The following BCORL1 variants were observed in gnomAD, a reference collection of about 807,000 sequenced individuals.
BCORL1 encodes the protein BCL6 corepressor like 1, also known as BCL-6 corepressor-like protein 1.
Under a neutral mutation model 87.6 loss-of-function variants are expected in BCORL1, and 7 were observed. The ratio of observed to expected loss-of-function variants is 0.08; its 90% confidence interval spans 0.05 to 0.15. BCORL1 has a LOEUF of 0.15. Among genes scored for constraint, BCORL1 ranks in the 10% least tolerant of loss-of-function variants. The pLI is 1.00. For missense variants in BCORL1, 1,215 were observed against 1,499.7 expected, an observed-to-expected ratio of 0.81 and a Z score of 3.13; for synonymous variants, 591 against 634.4, an observed-to-expected ratio of 0.93 and a Z score of 1.03.
At position 130,016,124 on chromosome X, in the gene BCORL1, A is replaced by G. The variant is rs759565314; in HGVS notation, c.3352A>G (p.Lys1118Glu). The G allele has an allele frequency of 8.3e-7, 1 of 1,211,326 alleles. No homozygotes were observed. The highest frequency in any genetic ancestry group is 1.8e-5 in the South Asian group (1 of 56,982). ...TGTGACGGAATCTCTGCCGCCCAAGAAGATGAAGTGCGGCAAAGAGAAGGA... is the reference window on the plus strand; with the variant it reads ...TGTGACGGAATCTCTGCCGCCCAAGGAGATGAAGTGCGGCAAAGAGAAGGA... ...DDVTESLPPK[K>E]MKCGKEKDSE... Residue 1118 changes from lysine to glutamate, a missense_variant, in exon 4 of 14, where the codon AAG becomes GAG. Lys to Glu is a moderately conservative substitution (Grantham distance 56). This residue lies in a region of BCORL1 where 861 missense variants were observed against 1,010.0 expected (regional missense o/e 0.85). Coordinates refer to ENST00000540052, the MANE Select transcript of BCORL1 (RefSeq NM_001379451.1).
At chrX:130,055,777 T>C (rs1237725577) in intron 13 of BCORL1, 77 bp from the exon 14 acceptor site, 4 of 1,038,882 alleles carry the variant, frequency 3.9e-6, no homozygotes, top group Non-Finnish European at 5.2e-6. Flanking sequence ...CTTTGTGGGC[T>C]TTGCAGAGTG....
chrX:129,996,897 A>T (rs1927606626), intron 1 of BCORL1, among the ~76,000 whole-genome samples: 1 of 111,526 alleles, frequency 9.0e-6, no homozygotes, highest in East Asian at 2.8e-4. Context: ...GGGGTTATGG[A>T]CATGAGCCCA....
rs753619642 is a variant in BCORL1, at chrX:129,987,908, G to A, written c.-45+5146G>A. 1.1e-4 allele frequency among the ~76,000 whole-genome samples: 12 copies of A among 112,130 alleles called. No homozygotes were observed. In the Middle Eastern group the frequency reaches 0.014, roughly 129 times the overall value. On this transcript the variant is annotated intron_variant, in intron 1 of 13. Coordinates refer to ENST00000540052, the MANE Select transcript of BCORL1 (RefSeq NM_001379451.1). ...AAGTTTGGGTGGGAAAGTGAACACC[G>A]GAGTGGAACAGAGAGGGTGCTGGAG...
chrX:130,021,026 A>G lies in BCORL1; in HGVS notation c.3483A>G (p.Lys1161=). 8.5e-7 allele frequency: 1 copy of G among 1,177,600 alleles called. No homozygotes were observed. Among genetic ancestry groups the G allele is most frequent in the Non-Finnish European group, 1.1e-6 (1 of 883,525 alleles). Residue 1161 remains lysine (K), a synonymous_variant, in exon 5 of 14, where the codon AAA becomes AAG. Transcript: ENST00000540052. The part of the protein sequence containing the change: ...LPSDPQESTK[K]SPRGASDSGK... Reference sequence around the variant, plus strand: ...GTGACCCCCAGGAATCCACCAAGAAAAGCCCCAGGGGGGCTTCAGATTCAG... The same window carrying G: ...GTGACCCCCAGGAATCCACCAAGAAGAGCCCCAGGGGGGCTTCAGATTCAG...
chrX:130,010,980 G>T (rs1463869689), intron 2 of BCORL1, among the ~76,000 whole-genome samples: 2 of 90,625 alleles, frequency 2.2e-5, no homozygotes, highest in African/African-American at 8.7e-5. Flanking sequence ...CTCCAGCCTG[G>T]GTGACAGAGC....
At chrX:130,020,471 T>A (rs1461120569) in intron 4 of BCORL1, among the ~76,000 whole-genome samples, 2 of 112,185 alleles carry the variant, frequency 1.8e-5, no homozygotes, top group Non-Finnish European at 3.8e-5. Context: ...TTTTTCTTCT[T>A]GCCTTAGTTG....
Position 130,013,909 on chromosome X carries a change from A to G in BCORL1, c.1137A>G (p.Thr379=), listed in dbSNP as rs1603110362. ...CCCTCATCCCCGCCTTTGCTCCTAC[A>G]CCGGTGCCTGCACCCACCCCAGCCC... The part of the protein sequence containing the change: ...TPTLIPAFAP[T]PVPAPTPAPI... Residue 379 remains threonine, a synonymous_variant, in exon 4 of 14, where the codon ACA becomes ACG. Transcript: ENST00000540052. 2 of 1,151,416 alleles carry G rather than the reference A, an allele frequency of 1.7e-6. No individual in the cohort carries two copies. Among genetic ancestry groups the G allele is most frequent in the East Asian group, 6.5e-5 (2 of 30,647 alleles). The allele number at this position is 1,151,416 out of a possible 1,213,427, so 94.9% of individuals were successfully genotyped here.
At chrX:129,984,834 T>C (rs1419777057) in intron 1 of BCORL1, among the ~76,000 whole-genome samples, 1 of 111,689 alleles carries the variant, frequency 9.0e-6, no homozygotes, top group Non-Finnish European at 1.9e-5. Context: ...TATGTTTTTG[T>C]TTTATTGTTT....
At chrX:130,017,915 C>T (rs747104477) in intron 4 of BCORL1, among the ~76,000 whole-genome samples, 1 of 111,929 alleles carries the variant, frequency 8.9e-6, no homozygotes, top group East Asian at 2.8e-4. Context: ...GGATTACAGG[C>T]GTGAGCCACC....
rs1237110527 is a variant in BCORL1 at position 130,014,206 on chromosome X, C to G, written c.1434C>G (p.Leu478=). 1 of 1,210,835 alleles carries G rather than the reference C, an allele frequency of 8.3e-7. No homozygotes were observed. The highest frequency in any genetic ancestry group is 1.1e-6 in the Non-Finnish European group (1 of 895,046). The change falls in exon 4 of 14, where the codon CTC becomes CTG. Residue 478 remains leucine, a synonymous_variant. Coordinates refer to ENST00000540052, the MANE Select transcript of BCORL1 (RefSeq NM_001379451.1). ...TTLGVSSTLT[L]PVLPSYLQDR... ...TAGGGGTTTCCTCCACTCTTACGCT[C>G]CCTGTCCTGCCGTCCTACCTGCAGG...
At position 130,014,404 on chromosome X, in the gene BCORL1, C is replaced by T. The variant is rs1929242164; in HGVS notation, c.1632C>T (p.Val544=). ...STTTQPAPDG[V]PGPLADTSLV... ...CCACCCAGCCTGCACCCGATGGGGT[C>T]CCTGGGCCTTTGGCAGATACCTCCC... The change falls in exon 4 of 14, where the codon GTC becomes GTT. Residue 544 remains valine (V), a synonymous_variant. Coordinates refer to ENST00000540052, the MANE Select transcript of BCORL1 (RefSeq NM_001379451.1). The T allele has an allele frequency of 8.3e-7, 1 of 1,211,706 alleles. No individual in the cohort carries two copies. The highest frequency in any genetic ancestry group is 1.1e-6 in the Non-Finnish European group (1 of 895,471).
intron 1 of BCORL1, among the ~76,000 whole-genome samples, chrX:129,983,948 G>A (rs1291294764): frequency 9.1e-6 from 1 of 109,771 alleles, no homozygotes; most frequent in African/African-American, 3.3e-5. Flanking sequence ...GGAGAAGGAG[G>A]GAGAGGGATG....
At chrX:130,039,049 G>GT in intron 10 of BCORL1, 88 bp from the exon 11 acceptor site, 3 of 1,089,017 alleles carry the variant, frequency 2.8e-6, no homozygotes, top group Non-Finnish European at 3.7e-6. Context: ...GGTCAGCTCA[G>GT]TTTTTTCCCC....
intron 1 of BCORL1, among the ~76,000 whole-genome samples, chrX:129,992,055 G>A (rs113493059): frequency 0.022 from 2,446 of 109,383 alleles, 76 homozygotes; most frequent in African/African-American, 0.076. Flanking sequence ...CTGCAGCTTC[G>A]ACCTCCCGAG....
At chrX:129,997,595 G>A (rs1287797630) in intron 1 of BCORL1, among the ~76,000 whole-genome samples, 1 of 108,651 alleles carries the variant, frequency 9.2e-6, no homozygotes, top group East Asian at 2.9e-4. Context: ...AGTTCGAGAC[G>A]AGCCTGGCCA....
Position 130,015,412 on chromosome X carries a change from C to A in BCORL1, c.2640C>A (p.Ala880=). 2 of 1,212,295 alleles carry A rather than the reference C, an allele frequency of 1.6e-6. No individual in the cohort carries two copies. The highest frequency in any genetic ancestry group is 2.2e-6 in the Non-Finnish European group (2 of 895,635). The change falls in exon 4 of 14, where the codon GCC becomes GCA. Residue 880 remains alanine, a synonymous_variant. Coordinates refer to ENST00000540052, the MANE Select transcript of BCORL1 (RefSeq NM_001379451.1). ...SGVPSLSSSE[A]VHGLPEGQPR... ...TGCCATCTCTCAGCTCCAGCGAAGC[C>A]GTGCACGGACTTCCTGAGGGGCAAC...
intron 1 of BCORL1, among the ~76,000 whole-genome samples, chrX:129,990,439 G>A (rs1167319084): frequency 9.1e-6 from 1 of 109,742 alleles, no homozygotes; most frequent in Non-Finnish European, 1.9e-5. Flanking sequence ...CACTGTGTTA[G>A]CCAGGATGGT....
chrX:130,021,383 C>T (rs978605046), intron 5 of BCORL1: 6 of 537,441 alleles, frequency 1.1e-5, no homozygotes, highest in African/African-American at 5.1e-5. Flanking sequence ...AGTGGTTTTC[C>T]GACACAAACA....
At chrX:130,040,558 G>A (rs1018880603) in intron 11 of BCORL1, among the ~76,000 whole-genome samples, 6 of 112,331 alleles carry the variant, frequency 5.3e-5, no homozygotes, top group Non-Finnish European at 9.4e-5. Context: ...CCCAGGCTGG[G>A]GGCAGGATGG....
Sources: allele counts gnomAD v4.1 joint callset (sites outside exome capture counted in the v4.1 genomes callset), GRCh38; gene constraint gnomAD v4.1.1; regional missense constraint gnomAD v4.1.1; transcripts MANE v1.5; gene names NCBI Gene and HGNC (gene_info 2026-07-23, HGNC 2026-07-21).